ZNF341: variants seen among roughly 807,000 people sequenced by gnomAD.
The protein encoded by ZNF341 is zinc finger protein 341.
Under a neutral mutation model 87.7 loss-of-function variants are expected in ZNF341, and 52 were observed. That is an observed-to-expected ratio of 0.59 (90% CI 0.47 to 0.75). The LOEUF (loss-of-function observed/expected upper bound fraction) is 0.75, where lower values mean the gene tolerates loss of function less well. Ranked by LOEUF, ZNF341 falls within the 30% of genes least tolerant of loss-of-function variation. The pLI, the probability that ZNF341 is intolerant of heterozygous loss-of-function variation, is 0.00. For synonymous variants in ZNF341, 459 were observed against 472.7 expected (o/e 0.97, Z 0.38); for missense variants, 977 against 1,145.9 (o/e 0.85, Z 2.13).
chr20:33,757,299 C>T lies in ZNF341; in HGVS notation c.893C>T (p.Thr298Met), dbSNP rs147263134. The T allele has an allele frequency of 6.5e-5, 103 of 1,595,198 alleles. No homozygotes were observed. The highest frequency in any genetic ancestry group is 6.0e-4 in the African/African-American group (44 of 73,918). The change falls in exon 6 of 15, where the codon ACG (threonine) becomes ATG (methionine). Residue 298 changes from threonine to methionine, a missense_variant. Thr to Met is a moderately conservative substitution (Grantham distance 81). Around this residue, in one of 3 missense-constraint regions of ZNF341, gnomAD observed 515 missense variants for 598.2 expected, o/e 0.86. Coordinates refer to ENST00000375200, the MANE Select transcript of ZNF341 (RefSeq NM_001282933.2). ...GTGGCCACCTTTGACTCTCCAGCAA[C>T]GCTGAAGACCCGACGAGCTAAAGGT... is the stretch of plus-strand genomic sequence containing the variant. ...GTVATFDSPA[T>M]LKTRRAKGAR...
chr20:33,779,098 C>G (rs998336862), intron 10 of ZNF341, among the ~76,000 whole-genome samples: 8 of 152,124 alleles, frequency 5.3e-5, no homozygotes, highest in African/African-American at 9.7e-5. Context: ...GCAGGCTGTA[C>G]AGGAAGCATA....
intron 9 of ZNF341, among the ~76,000 whole-genome samples, chr20:33,769,372 T>G (rs921098808): frequency 1.6e-3 from 2 of 1,252 alleles, no homozygotes; most frequent in Non-Finnish European, 2.6e-3. Flanking sequence ...GAAGGGGTGG[T>G]GGTGGGGGGG....
chr20:33,748,674 T>C (rs759104780), intron 3 of ZNF341, among the ~76,000 whole-genome samples: 4 of 152,070 alleles, frequency 2.6e-5, no homozygotes, highest in Admixed American at 2.0e-4. Flanking sequence ...AGTCTTATCA[T>C]CCTCATTCAG....
At chr20:33,753,506 T>A (rs2019106267) in intron 5 of ZNF341, 83 bp downstream of exon 5, 1 of 1,447,496 alleles carries the variant, frequency 6.9e-7, no homozygotes, top group African/African-American at 1.4e-5. Context: ...ACCAGCTGTG[T>A]GCCAGACACT....
At chr20:33,758,972 G>C (rs555732377) in intron 7 of ZNF341, among the ~76,000 whole-genome samples, 166 bp downstream of exon 7, 1 of 152,290 alleles carries the variant, frequency 6.6e-6, no homozygotes, top group East Asian at 1.9e-4. Flanking sequence ...TTCTATCTCA[G>C]AGGCTGTGGG....
chr20:33,748,851 C>T, intron 3 of ZNF341, 72 bp from the exon 4 acceptor site: 1 of 1,470,672 alleles, frequency 6.8e-7, no homozygotes, highest in Non-Finnish European at 9.3e-7. Context: ...CACACATGCA[C>T]ACACGCACAC....
rs1416756725 is a variant in ZNF341 at position 33,732,624 on chromosome 20, G to A, written c.31+572G>A. 1.3e-5 allele frequency among the ~76,000 whole-genome samples: 2 copies of A among 152,248 alleles called. No individual in the cohort carries two copies. The highest frequency in any genetic ancestry group is 1.3e-4 in the Admixed American group (2 of 15,286). On this transcript the variant is annotated intron_variant, in intron 1 of 14. Transcript: ENST00000375200. This position sits in a 1 kb window ranked among gnomAD's most constrained non-coding sequence, Gnocchi z 4.5. Reference sequence around the variant, plus strand: ...AGCAAACACCTGGCGCCTGCAGTGCGCACCGTGGCCGGTGCAGTTTTACAA... The same window carrying A: ...AGCAAACACCTGGCGCCTGCAGTGCACACCGTGGCCGGTGCAGTTTTACAA...
chr20:33,747,431 C>T (rs1601240995), intron 3 of ZNF341, among the ~76,000 whole-genome samples: 2 of 144,690 alleles, frequency 1.4e-5, no homozygotes, highest in South Asian at 2.1e-4. Context: ...CCGGCTAAAA[C>T]GGTGAAACCC....
chr20:33,760,176 G>C (rs1010209370), intron 7 of ZNF341, among the ~76,000 whole-genome samples: 1 of 152,196 alleles, frequency 6.6e-6, no homozygotes, highest in Admixed American at 6.5e-5. Context: ...GCTGAGGTGG[G>C]TAGATCACTT....
intron 2 of ZNF341, 101 bp from the exon 3 acceptor site, chr20:33,745,002 C>A: frequency 9.3e-7 from 1 of 1,073,856 alleles, no homozygotes; most frequent in Non-Finnish European, 1.4e-6. Context: ...TGCAGTTCTC[C>A]TGTCTCATAC....
rs529677538 is a variant in ZNF341, at chr20:33,761,670, C to T, written c.1029-192C>T. ...GGTTTGTTGATGAGCAGCTCAGTAA[C>T]GTGACCCGGAACCCAGGGTCTTTCC... On this transcript the variant is annotated intron_variant, in intron 7 of 14. Coordinates refer to ENST00000375200, the MANE Select transcript of ZNF341 (RefSeq NM_001282933.2). 1.6e-4 allele frequency among the ~76,000 whole-genome samples: 25 copies of T among 152,320 alleles called. No individual in the cohort carries two copies. In the South Asian group the frequency reaches 4.6e-3, roughly 28 times the overall value.
chr20:33,775,963 G>A (rs2019618434), intron 10 of ZNF341, among the ~76,000 whole-genome samples: 1 of 151,994 alleles, frequency 6.6e-6, no homozygotes, highest in African/African-American at 2.4e-5. Context: ...GCCTCCCAAA[G>A]TACTAGGATT....
chr20:33,733,208 G>A (rs1470442214), intron 1 of ZNF341, among the ~76,000 whole-genome samples: 2 of 148,124 alleles, frequency 1.4e-5, no homozygotes, highest in African/African-American at 2.5e-5. Context: ...CACCACACCC[G>A]GCTAATTTCC....
At position 33,745,224 on chromosome 20, in the gene ZNF341, G is replaced by A; in HGVS notation, c.264G>A (p.Leu88=). The change falls in exon 3 of 15, where the codon CTG becomes CTA. Residue 88 remains leucine, a synonymous_variant. Transcript: ENST00000375200. ...GNAPALATVS[L]ATNSIYPPSA... Reference sequence around the variant, plus strand: ...CCCCCGCCCTGGCCACAGTCTCACTGGCCACCAACAGCATCTACCCACCTT... The same window carrying A: ...CCCCCGCCCTGGCCACAGTCTCACTAGCCACCAACAGCATCTACCCACCTT... The A allele has an allele frequency of 6.2e-7, 1 of 1,614,152 alleles. No homozygotes were observed. Among genetic ancestry groups the A allele is most frequent in the African/African-American group, 1.3e-5 (1 of 75,048 alleles).
chr20:33,746,320 G>A (rs1201864157), intron 3 of ZNF341, among the ~76,000 whole-genome samples: 6 of 136,094 alleles, frequency 4.4e-5, no homozygotes, highest in Admixed American at 3.3e-4. Flanking sequence ...TGCAACCTCC[G>A]CCTCCTGGGT....
At position 33,737,885 on chromosome 20, in the gene ZNF341, C is replaced by G. The variant is rs186578154; in HGVS notation, c.32-3017C>G. 4.3e-4 allele frequency among the ~76,000 whole-genome samples: 65 copies of G among 152,078 alleles called. 1 individual carries two copies. Among genetic ancestry groups the G allele is most frequent in the African/African-American group, 1.4e-3 (60 of 41,474 alleles). On this transcript the variant is annotated intron_variant, in intron 1 of 14. Coordinates refer to ENST00000375200, the MANE Select transcript of ZNF341 (RefSeq NM_001282933.2). ...AGGTGCGGTGGCTCACACCTGTAAC[C>G]CCAGCACTTTGGGAGGTCAAGGCGG...
At chr20:33,786,498 GT>G (rs1374791831) in intron 12 of ZNF341, among the ~76,000 whole-genome samples, 1 of 152,120 alleles carries the variant, frequency 6.6e-6, no homozygotes, top group Non-Finnish European at 1.5e-5. Flanking sequence ...GATGGTGATG[GT>G]TGCATGATGG....
At chr20:33,770,900 G>A (rs1015475246) in intron 10 of ZNF341, among the ~76,000 whole-genome samples, 1 of 152,094 alleles carries the variant, frequency 6.6e-6, no homozygotes, top group Non-Finnish European at 1.5e-5. Flanking sequence ...GCGGGCAGAT[G>A]ATGAGGTCAG....
chr20:33,734,088 T>A (rs1431924307), intron 1 of ZNF341, among the ~76,000 whole-genome samples: 4 of 152,190 alleles, frequency 2.6e-5, no homozygotes, highest in Admixed American at 6.5e-5. Flanking sequence ...TAAAGAGAAA[T>A]CAGTTCCTAG....
Sources: allele counts gnomAD v4.1 joint callset (sites outside exome capture counted in the v4.1 genomes callset), GRCh38; gene constraint gnomAD v4.1.1; regional missense constraint gnomAD v4.1.1; non-coding constraint Gnocchi (gnomAD v3.1); transcripts MANE v1.5; gene names NCBI Gene and HGNC (gene_info 2026-07-23, HGNC 2026-07-21).